Variants in LRRC69 observed in about 807,000 individuals in gnomAD.
LRRC69 encodes leucine rich repeat containing 69.
LRRC69 carries 42 observed loss-of-function variants against 37.8 expected under a neutral mutation model. The ratio of observed to expected loss-of-function variants is 1.11; its 90% CI spans 0.87 to 1.44. The LOEUF (loss-of-function observed/expected upper bound fraction) is 1.44, where lower values mean the gene tolerates loss of function less well. Ranked by LOEUF, LRRC69 falls within the 40% of genes most tolerant of loss-of-function variation. The pLI, the probability that LRRC69 is intolerant of heterozygous loss-of-function variation, is 0.00. For missense variants in LRRC69, 357 were observed against 401.9 expected, an observed-to-expected ratio of 0.89 and a Z score of 0.96; for synonymous variants, 141 against 143.1, an observed-to-expected ratio of 0.99 and a Z score of 0.11.
intron 5 of LRRC69, among the ~76,000 whole-genome samples, chr8:91,145,107 G>A (rs1160087072): frequency 6.6e-6 from 1 of 151,934 alleles, no homozygotes; most frequent in African/African-American, 2.4e-5. Context: ...GTCCTTAAGT[G>A]GTCCAGAAAG....
chr8:91,147,955 C>G (rs1373948674), intron 5 of LRRC69, among the ~76,000 whole-genome samples: 1 of 151,586 alleles, frequency 6.6e-6, no homozygotes, highest in African/African-American at 2.4e-5. Flanking sequence ...TGAGAACATG[C>G]GGTGTTTGGT....
intron 5 of LRRC69, among the ~76,000 whole-genome samples, chr8:91,154,842 G>A (rs1489726258): frequency 2.0e-5 from 3 of 151,272 alleles, no homozygotes; most frequent in Admixed American, 6.6e-5. Flanking sequence ...CTCACCACTC[G>A]TATTCAATGT....
intron 5 of LRRC69, chr8:91,158,042 T>G: frequency 7.4e-7 from 1 of 1,358,552 alleles, no homozygotes; most frequent in Non-Finnish European, 1.1e-6. Context: ...CAAAATTATC[T>G]TTAAAAACAT....
chr8:91,112,977 G>A (rs568138102), intron 1 of LRRC69, among the ~76,000 whole-genome samples: 1 of 151,752 alleles, frequency 6.6e-6, no homozygotes, highest in Non-Finnish European at 1.5e-5. Flanking sequence ...ATTTACAATA[G>A]CAATAAAAAT....
chr8:91,218,998 T>C (rs1810110668), exon 8 of LRRC69: 1 of 1,534,916 alleles, frequency 6.5e-7, no homozygotes, highest in Non-Finnish European at 8.8e-7. Flanking sequence ...TGCTCAGGTG[T>C]AGAACAGGTG....
intron 5 of LRRC69, among the ~76,000 whole-genome samples, chr8:91,140,644 T>TAATCATTGGGTG (rs1215630122): frequency 1.4e-4 from 4 of 28,448 alleles, no homozygotes; most frequent in Admixed American, 2.2e-4. Context: ...ATGTGATTTT[T>TAATCATTGGGTG]TTTTTTTTTT....
chr8:91,153,762 G>C (rs1808783567), intron 5 of LRRC69, among the ~76,000 whole-genome samples: 1 of 151,884 alleles, frequency 6.6e-6, no homozygotes, highest in Non-Finnish European at 1.5e-5. Flanking sequence ...AAGAAAGCTA[G>C]AAAGATCTCA....
intron 5 of LRRC69, among the ~76,000 whole-genome samples, chr8:91,175,703 C>T (rs1208446490): frequency 3.9e-5 from 6 of 151,938 alleles, no homozygotes; most frequent in Non-Finnish European, 7.4e-5. Flanking sequence ...AGGGGGGCAT[C>T]AACAGAGTAG....
In LRRC69 at chr8:91,191,301, A is replaced by C. The variant is rs1448554010; in HGVS notation, c.753+1678A>C. On this transcript the variant is annotated intron_variant, in intron 6 of 7. Transcript: ENST00000448384. ...TTTAATAGTAAATAATTTGAGTAACAGTTGTATTTAATTTTTTATTCCCTT... is the reference window on the plus strand; with the variant it reads ...TTTAATAGTAAATAATTTGAGTAACCGTTGTATTTAATTTTTTATTCCCTT... Among the ~76,000 whole-genome samples, 5 of 152,234 alleles carry C rather than the reference A, an allele frequency of 3.3e-5. No individual in the cohort carries two copies. In the South Asian group the frequency reaches 1.0e-3, roughly 32 times the overall value.
chr8:91,172,928 A>G (rs1400240400), intron 5 of LRRC69, among the ~76,000 whole-genome samples: 1 of 152,006 alleles, frequency 6.6e-6, no homozygotes, highest in Non-Finnish European at 1.5e-5. Context: ...AGATTCCCTG[A>G]AAGACTTATG....
intron 7 of LRRC69, among the ~76,000 whole-genome samples, chr8:91,218,218 A>G (rs1432863696): frequency 1.3e-5 from 2 of 152,306 alleles, no homozygotes; most frequent in East Asian, 3.9e-4. Context: ...TCTCTCACTG[A>G]GAGCTGTGTT....
At chr8:91,189,427 ATAAAG>A (rs1809456284) in intron 5 of LRRC69, 90 bp from the exon 6 acceptor site, 2 of 872,422 alleles carry the variant, frequency 2.3e-6, no homozygotes, top group Non-Finnish European at 3.5e-6. Flanking sequence ...TTAGTCCTAA[ATAAAG>A]TAATTTCAGT....
chr8:91,133,054 T>C (rs1813835116), intron 3 of LRRC69, 56 bp from the exon 4 acceptor site: 1 of 1,111,466 alleles, frequency 9.0e-7, no homozygotes, highest in African/African-American at 1.6e-5. Context: ...GCCTATATAG[T>C]GGACTCTTAT....
intron 5 of LRRC69, among the ~76,000 whole-genome samples, chr8:91,137,451 G>A (rs2130522164): frequency 6.6e-6 from 1 of 152,088 alleles, no homozygotes; most frequent in East Asian, 1.9e-4. Flanking sequence ...TATACCTGCA[G>A]TGTCTTGAAT....
chr8:91,126,968 A>G (rs1391817819), intron 2 of LRRC69, 120 bp from the exon 3 acceptor site: 2 of 705,334 alleles, frequency 2.8e-6, no homozygotes, highest in Non-Finnish European at 4.8e-6. Flanking sequence ...TGTTACCACC[A>G]CCAAAAGAGC....
At chr8:91,119,901 A>G (rs56004977) in intron 1 of LRRC69, among the ~76,000 whole-genome samples, 70,218 of 151,566 alleles carry the variant, frequency 0.46, 17,928 homozygotes, top group South Asian at 0.65. Context: ...ACCCACTTGT[A>G]CTTTGTACCT....
intron 5 of LRRC69, among the ~76,000 whole-genome samples, chr8:91,159,761 CA>C (rs2130562466): frequency 6.6e-6 from 1 of 151,122 alleles, no homozygotes; most frequent in African/African-American, 2.4e-5. Context: ...TTTACCATGG[CA>C]AAATATTAAC....
chr8:91,153,632 T>C (rs1242842016), intron 5 of LRRC69, among the ~76,000 whole-genome samples: 2 of 151,614 alleles, frequency 1.3e-5, no homozygotes, highest in Non-Finnish European at 2.9e-5. Context: ...AATAATGAAA[T>C]TAAGGCAGAA....
intron 6 of LRRC69, among the ~76,000 whole-genome samples, chr8:91,194,435 C>T (rs1428647467): frequency 2.6e-5 from 4 of 151,824 alleles, no homozygotes; most frequent in Non-Finnish European, 2.9e-5. Context: ...CCAGTTCCTC[C>T]TTGTACCTCT....
Sources: allele counts gnomAD v4.1 joint callset (sites outside exome capture counted in the v4.1 genomes callset), GRCh38; gene constraint gnomAD v4.1.1; transcripts MANE v1.5; gene names NCBI Gene and HGNC (gene_info 2026-07-23, HGNC 2026-07-21).